The following PCDHGB2 variants were observed in gnomAD, a reference collection of about 807,000 sequenced individuals.
The protein encoded by PCDHGB2 is protocadherin gamma-B2.
PCDHGB2 carries 55 observed loss-of-function variants against 59.3 expected under a neutral mutation model. The observed-to-expected ratio is 0.93, with a 90% CI of 0.75 to 1.16. PCDHGB2 has a LOEUF of 1.16. Among genes scored for constraint, PCDHGB2 ranks in the 50% most tolerant of loss-of-function variants. The pLI is 0.00. For synonymous variants in PCDHGB2, 516 were observed against 512.0 expected (o/e 1.01, Z -0.11); for missense variants, 1,228 against 1,198.5 (o/e 1.02, Z -0.36).
rs781026604 is a variant in PCDHGB2, at chr5:141,490,471, C to A, written c.2422-4336C>A. The A allele has an allele frequency of 6.2e-7, 1 of 1,614,214 alleles. No individual in the cohort carries two copies. The highest frequency in any genetic ancestry group is 1.1e-5 in the South Asian group (1 of 91,088). On this transcript the variant is annotated intron_variant, in intron 1 of 3. Transcript: ENST00000522605. This position sits in a 1 kb window ranked among gnomAD's most constrained non-coding sequence, Gnocchi z 5.4. ...CCACTACTCGCTGCTAACCAGCCAGCCTTTGGACCGGGAGGCCACATCCCA... is the reference window on the plus strand; with the variant it reads ...CCACTACTCGCTGCTAACCAGCCAGACTTTGGACCGGGAGGCCACATCCCA...
At chr5:141,395,431 C>T (rs929194882) in intron 1 of PCDHGB2, 19 of 702,102 alleles carry the variant, frequency 2.7e-5, no homozygotes, top group Non-Finnish European at 4.0e-5. Context: ...TGCTTTTAAA[C>T]GACTTGGAAA....
chr5:141,365,091 A>C (rs1251688071), intron 1 of PCDHGB2: 1 of 1,613,870 alleles, frequency 6.2e-7, no homozygotes, highest in Admixed American at 1.7e-5. Context: ...GTTCCAGAGA[A>C]CATACCTGTG....
At position 141,500,878 on chromosome 5, in the gene PCDHGB2, T is replaced by A. The variant is rs545375199; in HGVS notation, c.2481-4515T>A. On this transcript the variant is annotated intron_variant, in intron 2 of 3. Transcript: ENST00000522605. The stretch of plus-strand genomic sequence containing the variant: ...AGAAAACATACACATTCATTTACAA[T>A]TTTTTTTTTTTGAGACAGTCTCGCT... Among the ~76,000 whole-genome samples, 20 of 92,410 alleles carry A rather than the reference T, an allele frequency of 2.2e-4. 1 individual carries two copies. The East Asian group carries it at 4.8e-3, about 22-fold the overall frequency. The allele number at this position is 92,410 out of a possible 152,430, so 60.6% of individuals were successfully genotyped here.
intron 1 of PCDHGB2, chr5:141,370,692 T>G: frequency 6.2e-7 from 1 of 1,613,730 alleles, no homozygotes; most frequent in Non-Finnish European, 8.5e-7. Context: ...TGGCAAGAAG[T>G]CGACGTGTGT....
In PCDHGB2 at chr5:141,374,100, G is replaced by A. The variant is rs767728339; in HGVS notation, c.2421+11544G>A. ...AAGCCAGTAATGGCGCCTCCGCAGA[G>A]GCATCCGCAGCGCAGCGAGCAGGTC... On this transcript the variant is annotated intron_variant, in intron 1 of 3. Coordinates refer to ENST00000522605, the MANE Select transcript of PCDHGB2 (RefSeq NM_018923.3). 5.1e-6 allele frequency: 8 copies of A among 1,564,992 alleles called. No individual in the cohort carries two copies. The highest frequency in any genetic ancestry group is 6.1e-6 in the Non-Finnish European group (7 of 1,153,928).
At chr5:141,365,003 A>C (rs1292135798) in intron 1 of PCDHGB2, 1 of 1,613,774 alleles carries the variant, frequency 6.2e-7, no homozygotes, top group Non-Finnish European at 8.5e-7. Context: ...ACTCTCCGGC[A>C]CCACGCACAT....
At chr5:141,374,003 C>T (rs1160076904) in intron 1 of PCDHGB2, 2 of 1,320,324 alleles carry the variant, frequency 1.5e-6, no homozygotes, top group African/African-American at 3.0e-5. Flanking sequence ...GGACCTTCAC[C>T]GCTATTTCTG....
At chr5:141,419,204 GC>G (rs2096344015) in intron 1 of PCDHGB2, 9 of 1,613,916 alleles carry the variant, frequency 5.6e-6, no homozygotes, top group Non-Finnish European at 7.6e-6. Context: ...CAATGACAAC[GC>G]GCCGGTTTTC....
At chr5:141,447,032 C>A (rs1412709585) in intron 1 of PCDHGB2, among the ~76,000 whole-genome samples, 1 of 149,498 alleles carries the variant, frequency 6.7e-6, no homozygotes, top group Admixed American at 6.6e-5. Context: ...TGTTTTTTTT[C>A]TGTGTCTGGA....
intron 1 of PCDHGB2, chr5:141,383,327 T>G (rs576010988): frequency 1.2e-6 from 2 of 1,613,978 alleles, no homozygotes; most frequent in South Asian, 2.2e-5. Context: ...GTAAAAATAA[T>G]GGAGAATACA....
intron 1 of PCDHGB2, among the ~76,000 whole-genome samples, chr5:141,447,787 T>C (rs1025269338): frequency 1.3e-5 from 2 of 152,106 alleles, no homozygotes; most frequent in Non-Finnish European, 2.9e-5. Context: ...TGAAAATAAA[T>C]TTAAGAAAAT....
chr5:141,432,071 AT>A lies in PCDHGB2; in HGVS notation c.2422-62735del. 1 of 1,614,158 alleles carries A rather than the reference AT, an allele frequency of 6.2e-7. No individual in the cohort carries two copies. Among genetic ancestry groups the A allele is most frequent in the Non-Finnish European group, 8.5e-7 (1 of 1,180,032 alleles). ...CCCGCCCCTATCCACGGAAACTCAT[AT>A]CTCGCTGAACGTGGCAGACACCAAC... On this transcript the variant is annotated intron_variant, in intron 1 of 3. Transcript: ENST00000522605. The surrounding 1 kb of genome is among the most constrained non-coding windows in gnomAD (Gnocchi z 6.0).
chr5:141,446,256 T>C lies in PCDHGB2; in HGVS notation c.2422-48551T>C, dbSNP rs535879308. On this transcript the variant is annotated intron_variant, in intron 1 of 3. Transcript: ENST00000522605. Reference sequence around the variant, plus strand: ...CAAGTGGTAGATCTTCAGTGAAATATTATTAACTGAATAAATACAATGGAT... The same window carrying C: ...CAAGTGGTAGATCTTCAGTGAAATACTATTAACTGAATAAATACAATGGAT... Among the ~76,000 whole-genome samples the C allele has an allele frequency of 2.0e-5, 3 of 152,310 alleles. No homozygotes were observed. The East Asian group carries it at 5.8e-4, about 29-fold the overall frequency.
At chr5:141,366,662 A>T (rs1400618263) in intron 1 of PCDHGB2, 9 of 1,614,264 alleles carry the variant, frequency 5.6e-6, no homozygotes, top group Non-Finnish European at 7.6e-6. Context: ...CTACGCAGAC[A>T]CGCTCCTTAG....
rs2099417434 is a variant in PCDHGB2, at chr5:141,477,762, C to T, written c.2422-17045C>T. 1 of 1,613,968 alleles carries T rather than the reference C, an allele frequency of 6.2e-7. No homozygotes were observed. The highest frequency in any genetic ancestry group is 8.5e-7 in the Non-Finnish European group (1 of 1,180,032). On this transcript the variant is annotated intron_variant, in intron 1 of 3. Transcript: ENST00000522605. This position sits in a 1 kb window ranked among gnomAD's most constrained non-coding sequence, Gnocchi z 4.9. ...GATGGGGGCACCCCGGTCCTAGCCA[C>T]CAACATCAGCGTGAACATATTTGTC...
intron 1 of PCDHGB2, chr5:141,376,336 G>A (rs1433665161): frequency 1.2e-6 from 2 of 1,614,080 alleles, no homozygotes; most frequent in African/African-American, 2.7e-5. Flanking sequence ...CTTTCCTGCA[G>A]ACCTATTCCC....
At chr5:141,474,002 G>A (rs1020912365) in intron 1 of PCDHGB2, among the ~76,000 whole-genome samples, 5 of 152,078 alleles carry the variant, frequency 3.3e-5, no homozygotes, top group Non-Finnish European at 5.9e-5. Context: ...CCAAGGAGCT[G>A]GAAGTTACAG....
chr5:141,375,877 G>A lies in PCDHGB2; in HGVS notation c.2421+13321G>A, dbSNP rs752155500. ...AGGTGGTGGCGGTGGACAGAGACTC[G>A]GGCCAGAACGCCTGGCTGTCCTACC... On this transcript the variant is annotated intron_variant, in intron 1 of 3. Transcript: ENST00000522605. 8 of 1,613,676 alleles carry A rather than the reference G, an allele frequency of 5.0e-6. No individual in the cohort carries two copies. In the East Asian group the frequency reaches 1.3e-4, roughly 27 times the overall value.
In PCDHGB2 at chr5:141,477,533, G is replaced by C. The variant is rs780541121; in HGVS notation, c.2422-17274G>C. On this transcript the variant is annotated intron_variant, in intron 1 of 3. Transcript: ENST00000522605. This position sits in a 1 kb window ranked among gnomAD's most constrained non-coding sequence, Gnocchi z 4.9. ...TTACATTGAAGAAAACAACCTCCCC[G>C]GGGCTCCAATACTAAACCTAAGTGT... The C allele has an allele frequency of 6.2e-7, 1 of 1,613,892 alleles. No individual in the cohort carries two copies. The highest frequency in any genetic ancestry group is 1.3e-5 in the African/African-American group (1 of 74,852).
Sources: allele counts gnomAD v4.1 joint callset (sites outside exome capture counted in the v4.1 genomes callset), GRCh38; gene constraint gnomAD v4.1.1; non-coding constraint Gnocchi (gnomAD v3.1); transcripts MANE v1.5; gene names NCBI Gene and HGNC (gene_info 2026-07-23, HGNC 2026-07-21).